Variants in CCDC178 observed in about 807,000 individuals in gnomAD.
CCDC178 encodes coiled-coil domain containing 178.
Under a neutral mutation model 117.4 loss-of-function variants are expected in CCDC178, and 126 were observed. The observed-to-expected ratio is 1.07, with a 90% CI of 0.93 to 1.24. The LOEUF is 1.24. Ranked by LOEUF, CCDC178 falls within the 50% of genes most tolerant of loss-of-function variation. CCDC178 has a pLI of 0.00. For synonymous variants in CCDC178, 283 were observed against 313.4 expected (o/e 0.90, Z 1.02); for missense variants, 1,030 against 986.9 (o/e 1.04, Z -0.59).
Position 33,259,650 on chromosome 18 carries a change from AC to A in CCDC178, c.1409+7265del, listed in dbSNP as rs367656339. Among the ~76,000 whole-genome samples, 41 of 146,186 alleles carry A rather than the reference AC, an allele frequency of 2.8e-4. No individual in the cohort carries two copies. The South Asian group carries it at 3.5e-3, about 12-fold the overall frequency. On this transcript the variant is annotated intron_variant, in intron 14 of 22. Coordinates refer to ENST00000383096, the MANE Select transcript of CCDC178 (RefSeq NM_001105528.4). ...GGAAGTCTGCCCCCATGATTCAATC[AC>A]CCCCCCCCACCAGTCCCTCTCCCAA...
chr18:33,219,017 C>T (rs1050857214), intron 18 of CCDC178, among the ~76,000 whole-genome samples: 1 of 152,094 alleles, frequency 6.6e-6, no homozygotes, highest in Non-Finnish European at 1.5e-5. Flanking sequence ...ATGGGGATGG[C>T]ATTGAATCTA....
At position 33,338,761 on chromosome 18, in the gene CCDC178, G is replaced by A. The variant is rs571326278; in HGVS notation, c.659-5367C>T. 5.9e-5 allele frequency among the ~76,000 whole-genome samples: 9 copies of A among 152,108 alleles called. No homozygotes were observed. In the South Asian group the frequency reaches 6.2e-4, roughly 11 times the overall value. On this transcript the variant is annotated intron_variant, in intron 9 of 22. Transcript: ENST00000383096. Reference sequence around the variant, plus strand: ...GGACTTGGAGCAAGTTTTGGGGGTGGCAAGGGGTAAAAGACTACACATTGT... The same window carrying A: ...GGACTTGGAGCAAGTTTTGGGGGTGACAAGGGGTAAAAGACTACACATTGT...
At chr18:33,106,580 T>C (rs1284371555) in intron 20 of CCDC178, among the ~76,000 whole-genome samples, 1 of 151,694 alleles carries the variant, frequency 6.6e-6, no homozygotes, top group African/African-American at 2.4e-5. Context: ...TCCAGGCATC[T>C]GGGATCAAGC....
intron 14 of CCDC178, among the ~76,000 whole-genome samples, chr18:33,254,692 A>G (rs2059658025): frequency 6.6e-6 from 1 of 152,050 alleles, no homozygotes; most frequent in South Asian, 2.1e-4. Flanking sequence ...AATCAGATTT[A>G]AAAACATGCT....
At chr18:33,127,959 C>T (rs1364798545) in intron 20 of CCDC178, among the ~76,000 whole-genome samples, 1 of 152,034 alleles carries the variant, frequency 6.6e-6, no homozygotes, top group Non-Finnish European at 1.5e-5. Context: ...GAAAAGGTAC[C>T]GTCTGCCATC....
intron 18 of CCDC178, 70 bp from the exon 19 acceptor site, chr18:33,215,765 C>T (rs2059158489): frequency 8.5e-7 from 1 of 1,170,262 alleles, no homozygotes; most frequent in Non-Finnish European, 1.2e-6. Context: ...TTTAGGAACA[C>T]AATTACATTG....
chr18:33,374,453 C>G (rs2063339187), intron 5 of CCDC178, among the ~76,000 whole-genome samples: 2 of 152,142 alleles, frequency 1.3e-5, no homozygotes, highest in Admixed American at 1.3e-4. Context: ...CACACACACA[C>G]TATAATGCCT....
chr18:33,400,767 T>G (rs773280292), intron 3 of CCDC178, among the ~76,000 whole-genome samples: 2 of 152,180 alleles, frequency 1.3e-5, no homozygotes, highest in African/African-American at 4.8e-5. Flanking sequence ...TTCACTGGAG[T>G]AGCACGTTTA....
intron 12 of CCDC178, 117 bp downstream of exon 12, chr18:33,293,041 CA>C (rs1296503387): frequency 1.3e-5 from 8 of 627,066 alleles, no homozygotes; most frequent in African/African-American, 1.9e-5. Context: ...CTAATACAGG[CA>C]AATTGGCTAA....
intron 2 of CCDC178, among the ~76,000 whole-genome samples, chr18:33,428,244 T>G (rs1410645904): frequency 2.0e-5 from 3 of 152,164 alleles, no homozygotes; most frequent in African/African-American, 7.2e-5. Flanking sequence ...CCAGAAGTTT[T>G]TATTTATTTG....
intron 20 of CCDC178, among the ~76,000 whole-genome samples, chr18:33,152,763 C>A (rs1450842940): frequency 2.6e-5 from 4 of 152,062 alleles, no homozygotes; most frequent in Non-Finnish European, 5.9e-5. Flanking sequence ...CTGCTATACC[C>A]TCATCTTTTC....
At chr18:33,166,366 A>G (rs1390469625) in intron 20 of CCDC178, among the ~76,000 whole-genome samples, 1 of 152,188 alleles carries the variant, frequency 6.6e-6, no homozygotes, top group Non-Finnish European at 1.5e-5. Flanking sequence ...CTTTGTCACA[A>G]AATATTTTAT....
chr18:33,029,652 A>G (rs2056297093), intron 21 of CCDC178, among the ~76,000 whole-genome samples: 1 of 151,942 alleles, frequency 6.6e-6, no homozygotes, highest in Non-Finnish European at 1.5e-5. Context: ...TTTGCTCTGA[A>G]CACTGCTTTA....
At position 33,159,242 on chromosome 18, in the gene CCDC178, CAT is replaced by C. The variant is rs544175751; in HGVS notation, c.2238+52652_2238+52653del. On this transcript the variant is annotated intron_variant, in intron 20 of 22. Transcript: ENST00000383096. ...TGTTTGCATTTGTGGAAGATCATGT[CAT>C]ATAATTCCTCTTTCTAGAAAATTAC... Among the ~76,000 whole-genome samples, 19 of 152,090 alleles carry C rather than the reference CAT, an allele frequency of 1.2e-4. No homozygotes were observed. The South Asian group carries it at 3.7e-3, about 30-fold the overall frequency.
chr18:33,372,125 G>A (rs909011448), intron 5 of CCDC178, among the ~76,000 whole-genome samples: 5 of 151,898 alleles, frequency 3.3e-5, no homozygotes, highest in Non-Finnish European at 5.9e-5. Flanking sequence ...GTAACATATG[G>A]TAAAGTAATG....
chr18:33,019,559 T>C (rs1054090894), intron 21 of CCDC178, among the ~76,000 whole-genome samples: 1 of 152,190 alleles, frequency 6.6e-6, no homozygotes, highest in Non-Finnish European at 1.5e-5. Context: ...ATTTCTCCCA[T>C]TGCTAATTAT....
intron 21 of CCDC178, among the ~76,000 whole-genome samples, chr18:33,035,205 AG>A (rs952816249): frequency 6.6e-6 from 1 of 151,946 alleles, no homozygotes; most frequent in African/African-American, 2.4e-5. Flanking sequence ...TGGTTTGACA[AG>A]AGGGTAGAGT....
At chr18:33,307,619 T>G (rs928040342) in intron 11 of CCDC178, among the ~76,000 whole-genome samples, 2 of 152,160 alleles carry the variant, frequency 1.3e-5, no homozygotes, top group Non-Finnish European at 2.9e-5. Flanking sequence ...GGAAAATGTC[T>G]CCAGGGCATG....
At chr18:33,400,416 T>G (rs2063694908) in intron 3 of CCDC178, among the ~76,000 whole-genome samples, 1 of 152,140 alleles carries the variant, frequency 6.6e-6, no homozygotes, top group African/African-American at 2.4e-5. Context: ...ACATTGAAAA[T>G]CTGTTGTTTA....
Sources: gnomAD v4.1 joint callset for allele counts (sites outside exome capture counted in the v4.1 genomes callset) on GRCh38, gnomAD v4.1.1 for gene constraint, MANE v1.5 for transcripts, NCBI Gene and HGNC (gene_info 2026-07-23, HGNC 2026-07-21) for gene names.